The following KCTD8 variants were observed in gnomAD, a reference collection of about 807,000 sequenced individuals.
KCTD8 encodes BTB/POZ domain-containing protein KCTD8.
KCTD8 carries 27 observed loss-of-function variants against 31.5 expected under a neutral mutation model. That is an observed-to-expected ratio of 0.86 (90% CI 0.63 to 1.18). The LOEUF is 1.18. Ranked by LOEUF, KCTD8 falls within the 50% of genes most tolerant of loss-of-function variation. The pLI, the probability that KCTD8 is intolerant of heterozygous loss-of-function variation, is 0.00. For synonymous variants in KCTD8, 290 were observed against 280.0 expected (o/e 1.04, Z -0.36); for missense variants, 658 against 647.7 (o/e 1.02, Z -0.17).
Position 44,374,437 on chromosome 4 carries a change from A to G in KCTD8, c.961+73126T>C, listed in dbSNP as rs139563016. ...CATGCAGACCACTTAAGCTTTCTCC[A>G]TATCACTAATAAGGTTGTTACACTT... On this transcript the variant is annotated intron_variant, in intron 1 of 1. Coordinates refer to ENST00000360029, the MANE Select transcript of KCTD8 (RefSeq NM_198353.3). Among the ~76,000 whole-genome samples the G allele has an allele frequency of 2.4e-4, 36 of 152,270 alleles. 1 individual carries two copies. Among genetic ancestry groups the G allele is most frequent in the Admixed American group, 2.4e-3 (36 of 15,286 alleles).
chr4:44,185,245 C>G (rs1001728023), intron 1 of KCTD8, among the ~76,000 whole-genome samples: 2 of 151,402 alleles, frequency 1.3e-5, no homozygotes, highest in Non-Finnish European at 2.9e-5. Context: ...CTTATCAATT[C>G]TACCATTACA....
chr4:44,267,524 A>C (rs1329962520), intron 1 of KCTD8, among the ~76,000 whole-genome samples: 1 of 152,218 alleles, frequency 6.6e-6, no homozygotes, highest in Non-Finnish European at 1.5e-5. Flanking sequence ...AGCTAGCAGA[A>C]GGCAAGAAAT....
intron 1 of KCTD8, among the ~76,000 whole-genome samples, chr4:44,401,255 G>T (rs1389824505): frequency 2.6e-5 from 4 of 152,008 alleles, no homozygotes; most frequent in Non-Finnish European, 5.9e-5. Flanking sequence ...CTTCAGAATT[G>T]CTACTTTCAG....
chr4:44,413,873 A>G (rs1721014111), intron 1 of KCTD8, among the ~76,000 whole-genome samples: 1 of 152,178 alleles, frequency 6.6e-6, no homozygotes, highest in South Asian at 2.1e-4. Flanking sequence ...AACAAAAGAG[A>G]GGGACAGGAA....
At chr4:44,188,565 C>T (rs529125175) in intron 1 of KCTD8, among the ~76,000 whole-genome samples, 3 of 152,222 alleles carry the variant, frequency 2.0e-5, no homozygotes, top group South Asian at 2.1e-4. Flanking sequence ...ATAGCAGGCC[C>T]GAATCCCTGG....
At chr4:44,317,279 C>A (rs1288301008) in intron 1 of KCTD8, among the ~76,000 whole-genome samples, 2 of 89,790 alleles carry the variant, frequency 2.2e-5, no homozygotes, top group Non-Finnish European at 4.2e-5. Context: ...GTCGCCCAGG[C>A]CGGACTGCGG....
At chr4:44,225,922 G>C (rs1185429170) in intron 1 of KCTD8, among the ~76,000 whole-genome samples, 1 of 146,058 alleles carries the variant, frequency 6.8e-6, no homozygotes, top group Admixed American at 7.1e-5. Flanking sequence ...CCAGGTTCAC[G>C]CCATTCTCCT....
At chr4:44,418,861 A>G (rs1721142242) in intron 1 of KCTD8, among the ~76,000 whole-genome samples, 1 of 152,242 alleles carries the variant, frequency 6.6e-6, no homozygotes, top group African/African-American at 2.4e-5. Context: ...AATGATCTAA[A>G]AAGTAGTTAT....
chr4:44,358,376 T>C (rs1411853495), intron 1 of KCTD8, among the ~76,000 whole-genome samples: 1 of 152,184 alleles, frequency 6.6e-6, no homozygotes. Flanking sequence ...TGCGTCTTTA[T>C]AGTGGAATGA....
At chr4:44,214,013 T>G (rs1463474751) in intron 1 of KCTD8, among the ~76,000 whole-genome samples, 4 of 152,336 alleles carry the variant, frequency 2.6e-5, no homozygotes, top group Admixed American at 2.0e-4. Flanking sequence ...GTCTTTTATA[T>G]GCCTAACAAT....
chr4:44,178,052 T>C (rs894619116), intron 1 of KCTD8, among the ~76,000 whole-genome samples: 5 of 152,144 alleles, frequency 3.3e-5, no homozygotes, highest in Non-Finnish European at 7.4e-5. Flanking sequence ...ATAAATAGGT[T>C]TGGGGTCCTA....
intron 1 of KCTD8, among the ~76,000 whole-genome samples, chr4:44,272,141 A>ATATATATATATATATATAT (rs1716631369): frequency 1.6e-4 from 24 of 149,660 alleles, no homozygotes; most frequent in African/African-American, 5.9e-4. Context: ...ATATATATAT[A>ATATATATATATATATATAT]AATGCTGAAC....
chr4:44,214,358 G>A (rs915477574), intron 1 of KCTD8, among the ~76,000 whole-genome samples: 13 of 152,050 alleles, frequency 8.5e-5, no homozygotes, highest in East Asian at 1.9e-4. Flanking sequence ...TCTGTCTCTC[G>A]TTTCCGTCTA....
chr4:44,232,624 T>TTCCATAA (rs1715156147), intron 1 of KCTD8, among the ~76,000 whole-genome samples: 1 of 152,184 alleles, frequency 6.6e-6, no homozygotes, highest in Admixed American at 6.5e-5. Flanking sequence ...AAGAATCAAC[T>TTCCATAA]TTGCATTAGT....
intron 1 of KCTD8, among the ~76,000 whole-genome samples, chr4:44,237,090 C>A (rs1322341207): frequency 1.3e-5 from 2 of 152,082 alleles, no homozygotes; most frequent in Middle Eastern, 3.4e-3. Context: ...GAGAACAGAC[C>A]AATGCACAAA....
chr4:44,360,695 T>C (rs950981528), intron 1 of KCTD8, among the ~76,000 whole-genome samples: 3 of 152,020 alleles, frequency 2.0e-5, no homozygotes, highest in African/African-American at 7.2e-5. Context: ...TTCTAAAAAG[T>C]GATCATAAAA....
At chr4:44,396,452 T>C (rs1187176289) in intron 1 of KCTD8, among the ~76,000 whole-genome samples, 1 of 140,526 alleles carries the variant, frequency 7.1e-6, no homozygotes, top group Non-Finnish European at 1.6e-5. Context: ...TCAAGGAAAG[T>C]TGTTTTTTTT....
At chr4:44,420,341 G>C (rs1342558422) in intron 1 of KCTD8, among the ~76,000 whole-genome samples, 1 of 152,130 alleles carries the variant, frequency 6.6e-6, no homozygotes. Flanking sequence ...TTTACAAGAA[G>C]AGACAATAAG....
Position 44,336,465 on chromosome 4 carries a change from C to A in KCTD8, c.961+111098G>T, listed in dbSNP as rs576775825. 9.9e-5 allele frequency among the ~76,000 whole-genome samples: 15 copies of A among 151,980 alleles called. No individual in the cohort carries two copies. In the South Asian group the frequency reaches 2.9e-3, roughly 29 times the overall value. ...ATTTAGGGTAAGGAAGCCTATCATA[C>A]TCAATTAGACAACATTTTATTTATG... is the stretch of plus-strand genomic sequence containing the variant. On this transcript the variant is annotated intron_variant, in intron 1 of 1. Transcript: ENST00000360029.
Sources: gnomAD v4.1 joint callset for allele counts (sites outside exome capture counted in the v4.1 genomes callset) on GRCh38, gnomAD v4.1.1 for gene constraint, MANE v1.5 for transcripts, NCBI Gene and HGNC (gene_info 2026-07-23, HGNC 2026-07-21) for gene names.